PTPRG: variants seen among roughly 807,000 people sequenced by gnomAD.
PTPRG encodes the protein receptor-type tyrosine-protein phosphatase gamma.
PTPRG carries 102 observed loss-of-function variants against 165.3 expected under a neutral mutation model. That is an observed-to-expected ratio of 0.62 (90% CI 0.53 to 0.73). The LOEUF is 0.73. Among genes scored for constraint, PTPRG ranks in the 30% least tolerant of loss-of-function variants. PTPRG has a pLI of 0.00. For missense variants in PTPRG, 1,866 were observed against 1,861.4 expected (o/e 1.00, Z -0.05); for synonymous variants, 675 against 669.5 (o/e 1.01, Z -0.13).
chr3:61,714,785 A>G (rs979336457), intron 1 of PTPRG, among the ~76,000 whole-genome samples: 12 of 152,156 alleles, frequency 7.9e-5, no homozygotes, highest in African/African-American at 2.2e-4. Flanking sequence ...ACCATCCCAG[A>G]CTTCCCTACC....
At chr3:62,182,197 G>A (rs140862896) in intron 8 of PTPRG, among the ~76,000 whole-genome samples, 30 of 152,246 alleles carry the variant, frequency 2.0e-4, no homozygotes, top group Non-Finnish European at 3.8e-4. Flanking sequence ...GGAGGAGTTC[G>A]TTGCCCTGTC....
At chr3:61,792,680 CTTTCTTTCTTTCTTTCT>C (rs2034916161) in intron 2 of PTPRG, among the ~76,000 whole-genome samples, 1 of 366 alleles carries the variant, frequency 2.7e-3, no homozygotes, top group African/African-American at 0.013. Flanking sequence ...TTCTTTCTTT[CTTTCTTTCTTTCTTTCT>C]TTCTTTCTTT....
At chr3:62,065,836 G>C (rs536430909) in intron 4 of PTPRG, among the ~76,000 whole-genome samples, 1 of 152,282 alleles carries the variant, frequency 6.6e-6, no homozygotes, top group East Asian at 1.9e-4. Context: ...TTCTAGACCA[G>C]TTGACCCAGC....
In PTPRG at chr3:61,787,154, G is replaced by C. The variant is rs533047558; in HGVS notation, c.190+38172G>C. On this transcript the variant is annotated intron_variant, in intron 2 of 29. Transcript: ENST00000474889. Reference sequence around the variant, plus strand: ...GAAGCAAATATTAATATTTCGTTGAGTTGAAAGATGTGTCTGTTCTTCTCT... The same window carrying C: ...GAAGCAAATATTAATATTTCGTTGACTTGAAAGATGTGTCTGTTCTTCTCT... Among the ~76,000 whole-genome samples the C allele has an allele frequency of 3.3e-5, 5 of 152,210 alleles. No individual in the cohort carries two copies. The South Asian group carries it at 1.0e-3, about 32-fold the overall frequency.
chr3:61,966,251 G>A (rs2040270411), intron 2 of PTPRG, among the ~76,000 whole-genome samples: 1 of 152,154 alleles, frequency 6.6e-6, no homozygotes, highest in Admixed American at 6.5e-5. Context: ...CAGCGCCAGT[G>A]GAGTATTATA....
At chr3:61,981,058 C>A (rs1376724012) in intron 2 of PTPRG, among the ~76,000 whole-genome samples, 3 of 152,202 alleles carry the variant, frequency 2.0e-5, no homozygotes, top group Non-Finnish European at 4.4e-5. Flanking sequence ...ACTCATAGTT[C>A]CACATGGCTG....
At chr3:61,994,943 C>T (rs571343853) in intron 3 of PTPRG, among the ~76,000 whole-genome samples, 2 of 152,174 alleles carry the variant, frequency 1.3e-5, no homozygotes, top group South Asian at 4.2e-4. Flanking sequence ...CTCTCTGCAG[C>T]CCTGAAGAGC....
In PTPRG at chr3:61,945,762, T is replaced by C. The variant is rs368110693; in HGVS notation, c.191-43863T>C. On this transcript the variant is annotated intron_variant, in intron 2 of 29. Transcript: ENST00000474889. ...AATAAGATCAACAATGGCTACCATT[T>C]AGAGAACACATTGCATAACTAGGCA... Among the ~76,000 whole-genome samples the C allele has an allele frequency of 1.4e-4, 21 of 152,254 alleles. No homozygotes were observed. The South Asian group carries it at 4.0e-3, about 29-fold the overall frequency.
intron 8 of PTPRG, among the ~76,000 whole-genome samples, chr3:62,183,647 C>T (rs1168444751): frequency 6.6e-6 from 1 of 151,856 alleles, no homozygotes; most frequent in Non-Finnish European, 1.5e-5. Flanking sequence ...ATATTTCCAG[C>T]ATCCTGTCAC....
intron 1 of PTPRG, among the ~76,000 whole-genome samples, chr3:61,641,843 A>G (rs1702074391): frequency 6.6e-6 from 1 of 152,126 alleles, no homozygotes; most frequent in Non-Finnish European, 1.5e-5. Flanking sequence ...TTGCTTGCTG[A>G]GGTTTAAGGA....
intron 5 of PTPRG, among the ~76,000 whole-genome samples, chr3:62,087,612 A>G (rs1164335490): frequency 2.0e-5 from 3 of 152,214 alleles, no homozygotes; most frequent in South Asian, 2.1e-4. Context: ...AGCTTTTTTC[A>G]GTATAAATTA....
chr3:61,617,382 G>C (rs925374266), intron 1 of PTPRG, among the ~76,000 whole-genome samples: 2 of 152,210 alleles, frequency 1.3e-5, no homozygotes, highest in Non-Finnish European at 2.9e-5. Flanking sequence ...TCAGGGACTT[G>C]TTCGGCATGT....
intron 1 of PTPRG, among the ~76,000 whole-genome samples, chr3:61,708,980 C>G (rs1014798299): frequency 6.6e-6 from 1 of 152,248 alleles, no homozygotes; most frequent in Non-Finnish European, 1.5e-5. Context: ...TGGAAGGAAG[C>G]AAACACTGGT....
At chr3:61,900,057 C>T (rs1300289290) in intron 2 of PTPRG, among the ~76,000 whole-genome samples, 1 of 151,976 alleles carries the variant, frequency 6.6e-6, no homozygotes, top group African/African-American at 2.4e-5. Flanking sequence ...AATTTTCTAA[C>T]ACAGTTTTAA....
At position 61,668,441 on chromosome 3, in the gene PTPRG, TTC is replaced by T. The variant is rs1341059117; in HGVS notation, c.86-80435_86-80434del. 5.9e-5 allele frequency among the ~76,000 whole-genome samples: 9 copies of T among 152,296 alleles called. No individual in the cohort carries two copies. The South Asian group carries it at 1.2e-3, about 21-fold the overall frequency. ...AATTTGAAAATAGCAATCTTAAACT[TTC>T]TGTTTTTCTCGCTGCTTTTCTGCAA... is the stretch of plus-strand genomic sequence containing the variant. On this transcript the variant is annotated intron_variant, in intron 1 of 29. Transcript: ENST00000474889.
rs1209508683 is a variant in PTPRG, at chr3:62,057,949, A to C, written c.520-20214A>C. On this transcript the variant is annotated intron_variant, in intron 4 of 29. Coordinates refer to ENST00000474889, the MANE Select transcript of PTPRG (RefSeq NM_002841.4). ...ATTATTTTGCTAGCATGTTAAAAAT[A>C]CTTCAGGTGTAGGCATTTCAAGAAA... Among the ~76,000 whole-genome samples, 5 of 152,332 alleles carry C rather than the reference A, an allele frequency of 3.3e-5. No individual in the cohort carries two copies. In the South Asian group the frequency reaches 8.3e-4, roughly 25 times the overall value.
intron 1 of PTPRG, among the ~76,000 whole-genome samples, chr3:61,704,786 G>A (rs1009166380): frequency 6.6e-6 from 1 of 152,134 alleles, no homozygotes; most frequent in African/African-American, 2.4e-5. Context: ...CCATTCCCCT[G>A]CTTACTGAAT....
chr3:61,880,540 C>T (rs2037857396), intron 2 of PTPRG, among the ~76,000 whole-genome samples: 1 of 146,826 alleles, frequency 6.8e-6, no homozygotes, highest in African/African-American at 2.5e-5. Flanking sequence ...AGGAGGATTG[C>T]TTGAGCTTGG....
intron 2 of PTPRG, among the ~76,000 whole-genome samples, chr3:61,812,407 A>G (rs1322048884): frequency 6.6e-6 from 1 of 152,142 alleles, no homozygotes; most frequent in Non-Finnish European, 1.5e-5. Flanking sequence ...AATCTTTCAC[A>G]CTTTGAAGAT....
Sources: gnomAD v4.1 joint callset for allele counts (sites outside exome capture counted in the v4.1 genomes callset) on GRCh38, gnomAD v4.1.1 for gene constraint, MANE v1.5 for transcripts, NCBI Gene and HGNC (gene_info 2026-07-23, HGNC 2026-07-21) for gene names.